GABBR2: variants seen among roughly 807,000 people sequenced by gnomAD.
The protein encoded by GABBR2 is G-protein coupled receptor 51.
GABBR2 carries 23 observed loss-of-function variants against 105.6 expected under a neutral mutation model. The ratio of observed to expected loss-of-function variants is 0.22; its 90% CI spans 0.16 to 0.31. The LOEUF is 0.31. Among genes scored for constraint, GABBR2 ranks in the 10% least tolerant of loss-of-function variants. GABBR2 has a pLI of 1.00. For synonymous variants in GABBR2, 478 were observed against 499.7 expected (o/e 0.96, Z 0.58); for missense variants, 734 against 1,245.5 (o/e 0.59, Z 6.18).
chr9:98,488,621 C>T (rs1342628543), intron 4 of GABBR2, among the ~76,000 whole-genome samples: 1 of 146,076 alleles, frequency 6.8e-6, no homozygotes, highest in Admixed American at 7.0e-5. Context: ...GTCTTTCTGT[C>T]ATTCCCTAGC....
chr9:98,480,908 G>A (rs374373664), intron 5 of GABBR2, 24 bp downstream of exon 5: 13 of 1,438,420 alleles, frequency 9.0e-6, no homozygotes, highest in Admixed American at 6.7e-5. Context: ...CCAAAGACAC[G>A]AATGATACAA....
At chr9:98,605,523 C>T (rs186290290) in intron 1 of GABBR2, among the ~76,000 whole-genome samples, 2 of 152,324 alleles carry the variant, frequency 1.3e-5, no homozygotes, top group South Asian at 2.1e-4. Flanking sequence ...CGGCAATCAC[C>T]GTGATTCCTC....
intron 13 of GABBR2, 97 bp downstream of exon 13, chr9:98,362,618 G>T: frequency 1.1e-6 from 1 of 916,598 alleles, no homozygotes. Flanking sequence ...TGTTCCCAGT[G>T]GGGTACTGGG....
In GABBR2 at chr9:98,326,548, T is replaced by G. The variant is rs10985885; in HGVS notation, c.1894-15343A>C. On this transcript the variant is annotated intron_variant, in intron 13 of 18. Coordinates refer to ENST00000259455, the MANE Select transcript of GABBR2 (RefSeq NM_005458.8). ...CAATGGGCTGTGGGTGGAAGTGACA[T>G]TTGACTCTTGTGGGCTGAAGCACTG... Among the ~76,000 whole-genome samples, 3,685 of 152,272 alleles carry G rather than the reference T, an allele frequency of 0.024. 247 individuals carry two copies. In the East Asian group the frequency reaches 0.25, roughly 10 times the overall value.
At chr9:98,439,975 C>T (rs186717857) in intron 7 of GABBR2, among the ~76,000 whole-genome samples, 13 of 152,334 alleles carry the variant, frequency 8.5e-5, no homozygotes, top group Non-Finnish European at 1.6e-4. Context: ...AGGGCCAAAG[C>T]ACCATCATTC....
intron 1 of GABBR2, among the ~76,000 whole-genome samples, chr9:98,702,206 C>G (rs1000937105): frequency 6.6e-6 from 1 of 152,046 alleles, no homozygotes; most frequent in African/African-American, 2.4e-5. Context: ...CGTGGCCTCA[C>G]CCCTGCAGGG....
At chr9:98,504,622 C>T (rs1021410654) in intron 3 of GABBR2, among the ~76,000 whole-genome samples, 2 of 152,250 alleles carry the variant, frequency 1.3e-5, no homozygotes, top group Non-Finnish European at 2.9e-5. Context: ...TTCAAATGCA[C>T]TTGCTATATA....
At chr9:98,407,862 G>C (rs993507348) in intron 7 of GABBR2, among the ~76,000 whole-genome samples, 1 of 152,118 alleles carries the variant, frequency 6.6e-6, no homozygotes, top group African/African-American at 2.4e-5. Context: ...TTTGAAGCAA[G>C]ATCTGTCATA....
At chr9:98,663,680 T>C (rs1830297221) in intron 1 of GABBR2, among the ~76,000 whole-genome samples, 5 of 146,508 alleles carry the variant, frequency 3.4e-5, no homozygotes. Flanking sequence ...AAAAAAATTA[T>C]GATCCCTTGC....
rs188421720 is a variant in GABBR2 at position 98,450,958 on chromosome 9, C to A, written c.1236+3023G>T. ...AGAGTTCTAGGATTGTGAAGGGTGG[C>A]AAAATGCTTTCTAGATTCTGTAGCT... On this transcript the variant is annotated intron_variant, in intron 7 of 18. Coordinates refer to ENST00000259455, the MANE Select transcript of GABBR2 (RefSeq NM_005458.8). 5.3e-5 allele frequency among the ~76,000 whole-genome samples: 8 copies of A among 152,310 alleles called. No individual in the cohort carries two copies. The East Asian group carries it at 9.6e-4, about 18-fold the overall frequency.
intron 3 of GABBR2, chr9:98,538,489 A>T: frequency 2.8e-6 from 1 of 359,672 alleles, no homozygotes; most frequent in Non-Finnish European, 3.9e-6. Flanking sequence ...AAGTGGGCCT[A>T]GAGATCAGTA....
At chr9:98,413,879 C>T (rs1205175916) in intron 7 of GABBR2, among the ~76,000 whole-genome samples, 2 of 152,200 alleles carry the variant, frequency 1.3e-5, no homozygotes, top group Non-Finnish European at 2.9e-5. Context: ...ATAAGAGAGT[C>T]AGGCTTATTT....
chr9:98,409,625 A>G (rs776452203), intron 7 of GABBR2, among the ~76,000 whole-genome samples: 1 of 152,130 alleles, frequency 6.6e-6, no homozygotes, highest in Non-Finnish European at 1.5e-5. Context: ...CTTGCACCCA[A>G]TCAGAGCTAT....
Position 98,648,080 on chromosome 9 carries a change from G to GGTGTGTGTGTGTGTGT in GABBR2, c.321+60321_321+60336dup, listed in dbSNP as rs1554723457. On this transcript the variant is annotated intron_variant, in intron 1 of 18. Transcript: ENST00000259455. ...CCCCTTTCTATCATTAATCATACAGGGTGTGTGTGTGTGTGTGTGTGTGTG... is the reference window on the plus strand; with the variant it reads ...CCCCTTTCTATCATTAATCATACAGGGTGTGTGTGTGTGTGTGTGTGTGTGTGTGTGTGTGTGTGTG... Among the ~76,000 whole-genome samples, 221 of 67,970 alleles carry GGTGTGTGTGTGTGTGT rather than the reference G, an allele frequency of 3.3e-3. 7 individuals carry two copies. Among genetic ancestry groups the GGTGTGTGTGTGTGTGT allele is most frequent in the African/African-American group, 4.0e-3 (62 of 15,606 alleles). 44.6% of individuals were successfully genotyped at this position (67,970 alleles called of 152,430 possible). A position where few individuals can be genotyped will look rare whatever the true frequency, so the allele number is the denominator to read the frequency against.
At chr9:98,691,921 C>G (rs532851841) in intron 1 of GABBR2, among the ~76,000 whole-genome samples, 1 of 152,334 alleles carries the variant, frequency 6.6e-6, no homozygotes, top group African/African-American at 2.4e-5. Flanking sequence ...CTAAGAGGAT[C>G]TTCAAATCTC....
chr9:98,323,867 G>A (rs1045489212), intron 13 of GABBR2, among the ~76,000 whole-genome samples: 5 of 152,200 alleles, frequency 3.3e-5, no homozygotes, highest in African/African-American at 1.2e-4. Flanking sequence ...CAGAACTAGA[G>A]TGCGAAGATT....
chr9:98,693,341 G>A (rs547418488), intron 1 of GABBR2, among the ~76,000 whole-genome samples: 68 of 152,348 alleles, frequency 4.5e-4, no homozygotes, highest in Admixed American at 2.0e-3. Context: ...GATCTACACA[G>A]ATGCCATTCC....
chr9:98,504,807 C>T (rs887425062), intron 3 of GABBR2, among the ~76,000 whole-genome samples: 5 of 152,128 alleles, frequency 3.3e-5, no homozygotes, highest in Admixed American at 6.5e-5. Flanking sequence ...CAGAGGGCAC[C>T]GCTGTAGCTA....
chr9:98,362,270 C>G (rs1277670235), intron 13 of GABBR2, among the ~76,000 whole-genome samples: 1 of 152,306 alleles, frequency 6.6e-6, no homozygotes, highest in African/African-American at 2.4e-5. Flanking sequence ...CTTATTTTAA[C>G]AACAAATATC....
Sources: allele counts gnomAD v4.1 joint callset (sites outside exome capture counted in the v4.1 genomes callset), GRCh38; gene constraint gnomAD v4.1.1; transcripts MANE v1.5; gene names NCBI Gene and HGNC (gene_info 2026-07-23, HGNC 2026-07-21).